The following ZAN variants were observed in gnomAD, a reference collection of about 807,000 sequenced individuals.
The protein encoded by ZAN is zonadhesin.
A neutral mutation model predicts 286.2 loss-of-function variants in ZAN; 260 were observed. The observed-to-expected ratio is 0.91, with a 90% confidence interval of 0.82 to 1.01. ZAN has a LOEUF of 1.01. Among genes scored for constraint, ZAN ranks in the 50% least tolerant of loss-of-function variants. The probability of loss-of-function intolerance (pLI) is 0.00; values close to 1 mark genes in which losing one functional copy is unlikely to be tolerated. For missense variants in ZAN, 3,410 were observed against 3,639.2 expected, an observed-to-expected ratio of 0.94 and a Z score of 1.62; for synonymous variants, 1,368 against 1,417.5, an observed-to-expected ratio of 0.97 and a Z score of 0.79.
At chr7:100,776,859 AG>A (rs929725527) in intron 34 of ZAN, among the ~76,000 whole-genome samples, 16 of 144,488 alleles carry the variant, frequency 1.1e-4, no homozygotes, top group Admixed American at 3.5e-4. Context: ...CAGCCTCCCG[AG>A]TAGCTGGGAC....
intron 16 of ZAN, 25 bp from the exon 17 acceptor site, chr7:100,758,506 C>T (rs774138194): frequency 3.9e-5 from 61 of 1,554,336 alleles, no homozygotes; most frequent in Non-Finnish European, 4.4e-5. Context: ...GAAGCAGCTT[C>T]GCCTGTTCTC....
At position 100,775,687 on chromosome 7, in the gene ZAN, A is replaced by G. The variant is rs1481081909; in HGVS notation, c.6046A>G (p.Thr2016Ala). ...HRVLINSKQVTLPAISQIPGV... is the reference protein window; with the variant it reads ...HRVLINSKQVALPAISQIPGV... ...TGTTTAGATCAACAGCAAACAGGTC[A>G]CCCTCCCCGCCATCTCCCAGATCCC... The change falls in exon 33 of 48, where the codon ACC becomes GCC. Residue 2016 changes from threonine (T) to alanine (A), a missense_variant. By Grantham distance (58) the Thr-to-Ala change is moderately conservative. This residue lies in a region of ZAN where 1,289 missense variants were observed against 1,314.3 expected (regional missense o/e 0.98). Transcript: ENST00000613979. 1.2e-5 allele frequency: 20 copies of G among 1,613,346 alleles called. No homozygotes were observed. Among genetic ancestry groups the G allele is most frequent in the Non-Finnish European group, 1.7e-5 (20 of 1,179,752 alleles).
rs557128520 is a variant in ZAN, at chr7:100,767,368, G to A, written c.4860+111G>A. The A allele has an allele frequency of 3.4e-6, 5 of 1,467,586 alleles. No homozygotes were observed. The South Asian group carries it at 5.4e-5, about 16-fold the overall frequency. The allele number at this position is 1,467,586 out of a possible 1,614,324, so 90.9% of individuals were successfully genotyped here. A position where few individuals can be genotyped will look rare whatever the true frequency, so the allele number is the denominator to read the frequency against. ...CTCTCTGGCTCCTTAGAGCACCTGG[G>A]AAGCACCTGCAGCTGACCCAGACCC... On this transcript the variant is annotated intron_variant, in intron 25 of 47. Transcript: ENST00000613979.
intron 17 of ZAN, 120 bp from the exon 18 acceptor site, chr7:100,759,601 C>T (rs1392927145): frequency 3.0e-6 from 4 of 1,336,014 alleles, no homozygotes; most frequent in Non-Finnish European, 3.0e-6. Context: ...CCCTACTGGA[C>T]TTTGGGGCTG....
chr7:100,765,584 G>T, intron 23 of ZAN, 30 bp downstream of exon 23: 1 of 1,570,088 alleles, frequency 6.4e-7, no homozygotes. Flanking sequence ...TCTCAGCCCT[G>T]CAGCTAGAAA....
chr7:100,758,521 C>A lies in ZAN; in HGVS notation c.3452-10C>A. 6.4e-7 allele frequency: 1 copy of A among 1,555,760 alleles called. No individual in the cohort carries two copies. The highest frequency in any genetic ancestry group is 1.4e-5 in the African/African-American group (1 of 73,348). The stretch of plus-strand genomic sequence containing the variant: ...GAAGCAGCTTCGCCTGTTCTCCTTC[C>A]CCCTCCCAGCAGGCACTGCCACCTG... On this transcript the variant is annotated splice_polypyrimidine_tract_variant and intron_variant, in intron 16 of 47. Transcript: ENST00000613979.
Position 100,746,616 on chromosome 7 carries a change from C to A in ZAN, c.845C>A (p.Ser282Tyr). 1.2e-6 allele frequency: 2 copies of A among 1,614,006 alleles called. No individual in the cohort carries two copies. The highest frequency in any genetic ancestry group is 1.7e-6 in the Non-Finnish European group (2 of 1,179,890). Reference protein sequence around the residue: ...KAVLLSPVSLSSGCLSFSFHY... With the variant: ...KAVLLSPVSLYSGCLSFSFHY... ...GTCCTCCTGAGCCCCGTGAGCCTGT[C>A]CTCTGGCTGTCTGAGCTTTTCCTTC... Residue 282 changes from serine (S) to tyrosine (Y), a missense_variant, in exon 8 of 48, where the codon TCC (serine) becomes TAC (tyrosine). This residue lies in a region of ZAN where 872 missense variants were observed against 938.9 expected (regional missense o/e 0.93). Coordinates refer to ENST00000613979, the MANE Select transcript of ZAN (RefSeq NM_003386.3).
chr7:100,768,103 T>C, intron 26 of ZAN, 92 bp downstream of exon 26: 2 of 1,401,852 alleles, frequency 1.4e-6, no homozygotes, highest in South Asian at 1.4e-5. Flanking sequence ...TGAGGTGTTC[T>C]AAGTACTTGT....
rs763843378 is a variant in ZAN, at chr7:100,750,774, C to T, written c.1399C>T (p.Leu467Phe). ...YGLGEGTMLE[L>F]LLGSPAGSPP... ...CCTTGGGGAGGGTACTATGCTCGAA[C>T]TCCTCCTGGGAAGTCCTGCGGGGAG... The change falls in exon 12 of 48, where the codon CTC (leucine) becomes TTC (phenylalanine). Residue 467 changes from leucine (L) to phenylalanine (F), a missense_variant. Physicochemically the swap from Leu to Phe is conservative, Grantham distance 22. Around this residue, in one of 7 missense-constraint regions of ZAN, gnomAD observed 872 missense variants for 938.9 expected, o/e 0.93. Transcript: ENST00000613979. The T allele has an allele frequency of 7.4e-6, 12 of 1,613,062 alleles. No homozygotes were observed. In the Admixed American group the frequency reaches 1.0e-4, roughly 13 times the overall value.
At chr7:100,792,298 C>T in intron 41 of ZAN, 107 bp from the exon 42 acceptor site, 1 of 1,515,224 alleles carries the variant, frequency 6.6e-7, no homozygotes, top group Non-Finnish European at 8.9e-7. Context: ...CCTCACTGGA[C>T]ACCGACTGAT....
At chr7:100,787,840 G>A (rs1169906848) in intron 37 of ZAN, 49 bp from the exon 38 acceptor site, 1 of 1,440,748 alleles carries the variant, frequency 6.9e-7, no homozygotes, top group African/African-American at 1.4e-5. Flanking sequence ...GGGATTACAG[G>A]CGTGAGCCAC....
Position 100,773,713 on chromosome 7 carries a change from GC to G in ZAN, c.5635-5del. 6.2e-7 allele frequency: 1 copy of G among 1,606,148 alleles called. No individual in the cohort carries two copies. On this transcript the variant is annotated splice_region_variant and splice_polypyrimidine_tract_variant and intron_variant, in intron 30 of 47. Transcript: ENST00000613979. Reference sequence around the variant, plus strand: ...TCTGTTGGCTCAGCTGATCCCTGTGGCCCACAGGTCGGGGAGCGCTGGTACA... The same window carrying G: ...TCTGTTGGCTCAGCTGATCCCTGTGGCCACAGGTCGGGGAGCGCTGGTACA...
At chr7:100,773,969 A>T (rs568247261) in intron 31 of ZAN, 104 bp downstream of exon 31, 1 of 1,458,090 alleles carries the variant, frequency 6.9e-7, no homozygotes, top group South Asian at 1.4e-5. Flanking sequence ...TCAGGTTTTG[A>T]CTGGTAACTC....
intron 14 of ZAN, among the ~76,000 whole-genome samples, chr7:100,753,633 G>A (rs915333531): frequency 6.6e-6 from 1 of 151,366 alleles, no homozygotes; most frequent in East Asian, 1.9e-4. Context: ...GACCAGCCTA[G>A]GCAACATAGT....
chr7:100,797,019 C>T (rs1812407393), intron 45 of ZAN, among the ~76,000 whole-genome samples: 1 of 152,068 alleles, frequency 6.6e-6, no homozygotes, highest in African/African-American at 2.4e-5. Context: ...TGCCCATAGT[C>T]CCAGCTACTT....
At chr7:100,785,118 TGATGAGTCA>T (rs1811474783) in intron 36 of ZAN, among the ~76,000 whole-genome samples, 1 of 152,088 alleles carries the variant, frequency 6.6e-6, no homozygotes, top group Non-Finnish European at 1.5e-5. Context: ...ATGGTGCCAC[TGATGAGTCA>T]GATGACCTCT....
chr7:100,779,503 G>A lies in ZAN; in HGVS notation c.6375G>A (p.Pro2125=), dbSNP rs751402282. Residue 2125 remains proline (P), a synonymous_variant, in exon 35 of 48, where the codon CCG becomes CCA. Coordinates refer to ENST00000613979, the MANE Select transcript of ZAN (RefSeq NM_003386.3). ...QQIPAEQQEN[P]SGNCRAADLR... ...TTCCAGCGGAACAGCAGGAGAACCCGAGTGGAAACTGCAGGGCGGCCGACC... is the reference window on the plus strand; with the variant it reads ...TTCCAGCGGAACAGCAGGAGAACCCAAGTGGAAACTGCAGGGCGGCCGACC... 1.2e-5 allele frequency: 19 copies of A among 1,612,322 alleles called. No homozygotes were observed. Among genetic ancestry groups the A allele is most frequent in the Non-Finnish European group, 1.4e-5 (17 of 1,179,434 alleles).
intron 9 of ZAN, 99 bp from the exon 10 acceptor site, chr7:100,748,038 G>A (rs1808351412): frequency 1.0e-6 from 1 of 955,438 alleles, no homozygotes; most frequent in Non-Finnish European, 1.7e-6. Flanking sequence ...TGGGCACAGG[G>A]AGTAGGGATT....
chr7:100,746,426 GCT>G, intron 7 of ZAN, 110 bp from the exon 8 acceptor site: 1 of 1,352,386 alleles, frequency 7.4e-7, no homozygotes, highest in Non-Finnish European at 1.0e-6. Context: ...CTGATTCTAG[GCT>G]GCTGTTGGGG....
Sources: gnomAD v4.1 joint callset for allele counts (sites outside exome capture counted in the v4.1 genomes callset) on GRCh38, gnomAD v4.1.1 for gene constraint, gnomAD v4.1.1 regional missense constraint, MANE v1.5 for transcripts, NCBI Gene and HGNC (gene_info 2026-07-23, HGNC 2026-07-21) for gene names.